PELI2: variants seen among roughly 807,000 people sequenced by gnomAD.
PELI2 encodes the protein pellino E3 ubiquitin protein ligase family member 2, also known as E3 ubiquitin-protein ligase pellino homolog 2.
In PELI2, 23 loss-of-function variants were observed where a neutral mutation model predicts 42.3. That is an observed-to-expected ratio of 0.54 (90% CI 0.39 to 0.77). The LOEUF is 0.77. Among genes scored for constraint, PELI2 ranks in the 30% least tolerant of loss-of-function variants. The pLI, the probability that PELI2 is intolerant of heterozygous loss-of-function variation, is 0.00. For missense variants in PELI2, 463 were observed against 553.2 expected, an observed-to-expected ratio of 0.84 and a Z score of 1.64; for synonymous variants, 245 against 212.2, an observed-to-expected ratio of 1.15 and a Z score of -1.34.
intron 2 of PELI2, among the ~76,000 whole-genome samples, chr14:56,215,503 T>G (rs1257576256): frequency 6.6e-6 from 1 of 152,224 alleles, no homozygotes; most frequent in African/African-American, 2.4e-5. Flanking sequence ...GACTTACTTA[T>G]AGCTTTTTCA....
chr14:56,229,888 C>T (rs1375056946), intron 2 of PELI2, among the ~76,000 whole-genome samples: 1 of 152,120 alleles, frequency 6.6e-6, no homozygotes, highest in African/African-American at 2.4e-5. Flanking sequence ...GAATAAACAG[C>T]CTAGAGAAGA....
chr14:56,121,370 C>G (rs1390191032), intron 1 of PELI2, among the ~76,000 whole-genome samples: 1 of 151,940 alleles, frequency 6.6e-6, no homozygotes, highest in African/African-American at 2.4e-5. Context: ...CTAAATACTT[C>G]TATATCTTTT....
chr14:56,238,623 G>A (rs79407013), intron 2 of PELI2, among the ~76,000 whole-genome samples: 1,548 of 152,302 alleles, frequency 0.01, 9 homozygotes, highest in Non-Finnish European at 0.015. Flanking sequence ...ACTAGGTTGT[G>A]TAGACTTACT....
chr14:56,205,368 C>T (rs764888125), intron 2 of PELI2, among the ~76,000 whole-genome samples: 7 of 151,990 alleles, frequency 4.6e-5, no homozygotes, highest in Non-Finnish European at 1.0e-4. Flanking sequence ...TTAATGTGAA[C>T]GAGTCTTGCT....
At chr14:56,200,321 T>C (rs897156881) in intron 2 of PELI2, among the ~76,000 whole-genome samples, 4 of 58,952 alleles carry the variant, frequency 6.8e-5, no homozygotes, top group South Asian at 1.7e-3. Flanking sequence ...TTTTTTACTT[T>C]CCCTCACAAC....
chr14:56,297,779 T>C lies in PELI2; in HGVS notation c.*613T>C, dbSNP rs1234406646. ...TTCATAACTTGTGGGCTTTTTTTTT[T>C]TTTAACTTCAGTGGAATTTACTTTA... On this transcript the variant is annotated 3_prime_UTR_variant, in exon 6 of 6. Transcript: ENST00000267460. 2 of 152,200 alleles carry C rather than the reference T, an allele frequency of 1.3e-5. No homozygotes were observed. The highest frequency in any genetic ancestry group is 3.9e-4 in the East Asian group (2 of 5,188). The allele number at this position is 152,200 out of a possible 1,614,324, so 9.4% of individuals were successfully genotyped here.
chr14:56,221,890 G>A (rs761094642), intron 2 of PELI2, among the ~76,000 whole-genome samples: 16 of 152,110 alleles, frequency 1.1e-4, no homozygotes, highest in Non-Finnish European at 2.1e-4. Context: ...CTTAGCATAC[G>A]TATCCTGATA....
chr14:56,142,186 A>G (rs969006387), intron 1 of PELI2, among the ~76,000 whole-genome samples: 4 of 152,194 alleles, frequency 2.6e-5, no homozygotes, highest in African/African-American at 9.7e-5. Context: ...TTTCAAGTAA[A>G]TAGGCAACAA....
At chr14:56,236,865 T>C (rs1887813668) in intron 2 of PELI2, among the ~76,000 whole-genome samples, 1 of 152,176 alleles carries the variant, frequency 6.6e-6, no homozygotes, top group Non-Finnish European at 1.5e-5. Context: ...TCTCTCCCTG[T>C]TCTATTTGTA....
chr14:56,222,450 C>T (rs1360092831), intron 2 of PELI2, among the ~76,000 whole-genome samples: 1 of 152,198 alleles, frequency 6.6e-6, no homozygotes, highest in Non-Finnish European at 1.5e-5. Context: ...ACATCTACCA[C>T]TTAGTTGAAG....
At chr14:56,167,327 T>C (rs1318897821) in intron 1 of PELI2, among the ~76,000 whole-genome samples, 1 of 152,350 alleles carries the variant, frequency 6.6e-6, no homozygotes, top group East Asian at 1.9e-4. Context: ...TTTGAGGCTA[T>C]TTCCAAGATC....
chr14:56,245,166 A>G (rs940807232), intron 2 of PELI2, among the ~76,000 whole-genome samples: 14 of 152,346 alleles, frequency 9.2e-5, no homozygotes, highest in African/African-American at 2.9e-4. Context: ...AAATTTTTCC[A>G]TAATATCTGG....
intron 2 of PELI2, among the ~76,000 whole-genome samples, chr14:56,254,845 C>T (rs1427635724): frequency 6.6e-6 from 1 of 152,220 alleles, no homozygotes; most frequent in African/African-American, 2.4e-5. Context: ...ACAGACACTT[C>T]TCAAAAGAAG....
chr14:56,276,986 C>A (rs561957670), intron 2 of PELI2, among the ~76,000 whole-genome samples: 3 of 152,238 alleles, frequency 2.0e-5, no homozygotes, highest in Non-Finnish European at 4.4e-5. Flanking sequence ...GCTATAAATA[C>A]CCTTTTTCAT....
At chr14:56,233,991 C>T (rs1397550361) in intron 2 of PELI2, among the ~76,000 whole-genome samples, 6 of 152,174 alleles carry the variant, frequency 3.9e-5, no homozygotes, top group African/African-American at 1.2e-4. Flanking sequence ...CCAACGGACA[C>T]ATGAAAAAAT....
At chr14:56,153,371 TTAAAGA>T (rs1233666717) in intron 1 of PELI2, among the ~76,000 whole-genome samples, 1 of 152,184 alleles carries the variant, frequency 6.6e-6, no homozygotes, top group African/African-American at 2.4e-5. Context: ...AGAGTCAAAC[TTAAAGA>T]TAAAGCTTAC....
At chr14:56,227,622 T>G (rs1221050549) in intron 2 of PELI2, among the ~76,000 whole-genome samples, 1 of 56,326 alleles carries the variant, frequency 1.8e-5, no homozygotes, top group Non-Finnish European at 5.0e-5. Context: ...TTACATGTAG[T>G]CTCTAGCTCT....
rs772024884 is a variant in PELI2, at chr14:56,198,010, A to ACACACACC, written c.207+19549_207+19550insACACCCAC. 7.0e-3 allele frequency among the ~76,000 whole-genome samples: 805 copies of ACACACACC among 114,598 alleles called. 3 individuals carry two copies. The highest frequency in any genetic ancestry group is 0.017 in the African/African-American group (577 of 33,744). The allele number at this position is 114,598 out of a possible 152,430, so 75.2% of individuals were successfully genotyped here. On this transcript the variant is annotated intron_variant, in intron 2 of 5. Coordinates refer to ENST00000267460, the MANE Select transcript of PELI2 (RefSeq NM_021255.3). Reference sequence around the variant, plus strand: ...CACACACACACACACACACACACACACACCCACCTCTTTGGTCCACTTCTC... The same window carrying ACACACACC: ...CACACACACACACACACACACACACACACACACCCACCCACCTCTTTGGTCCACTTCTC...
At chr14:56,189,115 C>T (rs1437282454) in intron 2 of PELI2, among the ~76,000 whole-genome samples, 1 of 152,122 alleles carries the variant, frequency 6.6e-6, no homozygotes, top group East Asian at 1.9e-4. Flanking sequence ...GTCAAGATCT[C>T]GCCACTGCAC....
Sources: allele counts gnomAD v4.1 joint callset (sites outside exome capture counted in the v4.1 genomes callset), GRCh38; gene constraint gnomAD v4.1.1; transcripts MANE v1.5; gene names NCBI Gene and HGNC (gene_info 2026-07-23, HGNC 2026-07-21).